The following LOXL2 variants were observed in gnomAD, a reference collection of about 807,000 sequenced individuals.
The protein encoded by LOXL2 is lysyl oxidase like 2, also known as lysyl oxidase homolog 2.
Under a neutral mutation model 93.0 loss-of-function variants are expected in LOXL2, and 70 were observed. The observed-to-expected ratio is 0.75, with a 90% CI of 0.62 to 0.92. The LOEUF is 0.92. Ranked by LOEUF, LOXL2 falls within the 40% of genes least tolerant of loss-of-function variation. The pLI is 0.00. For synonymous variants in LOXL2, 438 were observed against 413.2 expected, an observed-to-expected ratio of 1.06 and a Z score of -0.73; for missense variants, 973 against 1,054.9, an observed-to-expected ratio of 0.92 and a Z score of 1.08.
chr8:23,316,663 C>T, intron 9 of LOXL2: 1 of 405,298 alleles, frequency 2.5e-6, no homozygotes, highest in East Asian at 4.1e-5. Flanking sequence ...CACTCTCAGT[C>T]ATGTAGTCTG....
At chr8:23,364,904 C>T (rs1332321805) in intron 2 of LOXL2, 3 of 152,198 alleles carry the variant, frequency 2.0e-5, no homozygotes, top group African/African-American at 7.2e-5. Context: ...GGCTTCGTCG[C>T]TGTGGTCTAA....
chr8:23,304,876 A>C (rs1803204804), intron 10 of LOXL2, among the ~76,000 whole-genome samples: 1 of 152,196 alleles, frequency 6.6e-6, no homozygotes, highest in African/African-American at 2.4e-5. Context: ...GGAACGGGGA[A>C]GACAGCAATG....
intron 6 of LOXL2, among the ~76,000 whole-genome samples, chr8:23,324,546 G>A (rs1446419915): frequency 6.6e-6 from 1 of 152,122 alleles, no homozygotes; most frequent in Non-Finnish European, 1.5e-5. Flanking sequence ...GCTGACCTGG[G>A]CTTGGCATTC....
chr8:23,355,927 A>G (rs1228424347), intron 3 of LOXL2, among the ~76,000 whole-genome samples: 1 of 152,136 alleles, frequency 6.6e-6, no homozygotes, highest in East Asian at 1.9e-4. Flanking sequence ...AAAAAGATCA[A>G]TAGTTTTTCA....
chr8:23,397,606 G>T (rs1434606347), intron 1 of LOXL2, among the ~76,000 whole-genome samples: 1 of 151,968 alleles, frequency 6.6e-6, no homozygotes, highest in Non-Finnish European at 1.5e-5. Flanking sequence ...GTGAAACCCT[G>T]TATCTACTAA....
chr8:23,390,499 T>G (rs1352150238), intron 1 of LOXL2, among the ~76,000 whole-genome samples: 1 of 152,116 alleles, frequency 6.6e-6, no homozygotes, highest in Non-Finnish European at 1.5e-5. Context: ...AAAACTGCAT[T>G]TTTTCCCCCA....
At chr8:23,343,132 C>T (rs1803911817) in intron 3 of LOXL2, among the ~76,000 whole-genome samples, 1 of 152,222 alleles carries the variant, frequency 6.6e-6, no homozygotes, top group African/African-American at 2.4e-5. Context: ...GCAAGATGCT[C>T]TCGGCCATTC....
chr8:23,321,182 G>A lies in LOXL2; in HGVS notation c.1302+948C>T, dbSNP rs533316331. 1.6e-3 allele frequency among the ~76,000 whole-genome samples: 247 copies of A among 152,294 alleles called. 3 individuals are homozygous for A. The highest frequency in any genetic ancestry group is 0.014 in the South Asian group (69 of 4,826). On this transcript the variant is annotated intron_variant, in intron 7 of 13. Coordinates refer to ENST00000389131, the MANE Select transcript of LOXL2 (RefSeq NM_002318.3). ...GCTCTAGGTCCTAAAGCCAAGGCAA[G>A]TCTCAGAGGCTCTGGCTGCGGAATG...
intron 2 of LOXL2, among the ~76,000 whole-genome samples, chr8:23,361,233 T>C (rs1007733253): frequency 2.0e-5 from 3 of 152,068 alleles, no homozygotes; most frequent in Admixed American, 6.5e-5. Context: ...TCACATGTAG[T>C]ATCTCCTTGG....
In LOXL2 at chr8:23,339,409, G is replaced by T. The variant is rs117530162; in HGVS notation, c.743+1583C>A. Among the ~76,000 whole-genome samples, 831 of 152,272 alleles carry T rather than the reference G, an allele frequency of 5.5e-3. 47 individuals carry two copies. In the East Asian group the frequency reaches 0.13, roughly 24 times the overall value. On this transcript the variant is annotated intron_variant, in intron 4 of 13. Transcript: ENST00000389131. Reference sequence around the variant, plus strand: ...AAAAGGCAAAGCCACAGACGAGAGGGTGGGAGGGGCAGGATGGGGGTTCCA... The same window carrying T: ...AAAAGGCAAAGCCACAGACGAGAGGTTGGGAGGGGCAGGATGGGGGTTCCA...
chr8:23,360,967 C>A (rs1006181542), intron 2 of LOXL2, among the ~76,000 whole-genome samples: 1 of 151,742 alleles, frequency 6.6e-6, no homozygotes, highest in African/African-American at 2.4e-5. Context: ...GTGGCGTGAT[C>A]TTGGCTCACT....
At chr8:23,315,788 C>G (rs1317315900) in intron 9 of LOXL2, among the ~76,000 whole-genome samples, 1 of 152,212 alleles carries the variant, frequency 6.6e-6, no homozygotes, top group Non-Finnish European at 1.5e-5. Context: ...TACCATTTTG[C>G]CAGCACCTGT....
At chr8:23,312,661 G>T (rs12542461) in intron 9 of LOXL2, among the ~76,000 whole-genome samples, 1 of 34,772 alleles carries the variant, frequency 2.9e-5, no homozygotes, top group Non-Finnish European at 6.0e-5. Context: ...AAAATAATAA[G>T]AGCTATCTAT....
intron 1 of LOXL2, among the ~76,000 whole-genome samples, chr8:23,388,734 A>C (rs1804801117): frequency 6.6e-6 from 1 of 152,166 alleles, no homozygotes; most frequent in Non-Finnish European, 1.5e-5. Context: ...ATCTAAATAA[A>C]AAGGTGTCTT....
At chr8:23,326,747 C>A (rs7812647) in intron 6 of LOXL2, among the ~76,000 whole-genome samples, 89,465 of 151,874 alleles carry the variant, frequency 0.59, 28,674 homozygotes, top group Middle Eastern at 0.73. Context: ...ACTCTGTCTC[C>A]AAAAAAGATC....
chr8:23,302,227 C>T, intron 11 of LOXL2, 64 bp from the exon 12 acceptor site: 1 of 1,598,224 alleles, frequency 6.3e-7, no homozygotes, highest in South Asian at 1.1e-5. Context: ...GCACCCTCTT[C>T]CTGCTTCCAA....
intron 4 of LOXL2, 80 bp from the exon 5 acceptor site, chr8:23,333,703 A>G: frequency 8.8e-7 from 1 of 1,130,826 alleles, no homozygotes; most frequent in South Asian, 1.4e-5. Flanking sequence ...GCAGAACATG[A>G]GAGACTGGGC....
intron 2 of LOXL2, among the ~76,000 whole-genome samples, chr8:23,362,004 A>C (rs1804301111): frequency 6.6e-6 from 1 of 152,236 alleles, no homozygotes; most frequent in Non-Finnish European, 1.5e-5. Flanking sequence ...AAATAACATT[A>C]CCATATGATC....
chr8:23,334,334 C>T (rs1363715246), intron 4 of LOXL2, among the ~76,000 whole-genome samples: 2 of 152,218 alleles, frequency 1.3e-5, no homozygotes, highest in Admixed American at 6.5e-5. Context: ...CCACTGTGCC[C>T]AGCCTGTTGT....
Sources: allele counts gnomAD v4.1 joint callset (sites outside exome capture counted in the v4.1 genomes callset), GRCh38; gene constraint gnomAD v4.1.1; transcripts MANE v1.5; gene names NCBI Gene and HGNC (gene_info 2026-07-23, HGNC 2026-07-21).